TAFA1: variants seen among roughly 807,000 people sequenced by gnomAD.
TAFA1 encodes the protein TAFA chemokine like family member 1.
In TAFA1, 4 loss-of-function variants were observed where a neutral mutation model predicts 18.5. That is an observed-to-expected ratio of 0.22 (90% confidence interval 0.11 to 0.49). TAFA1 has a LOEUF of 0.49. Ranked by LOEUF, TAFA1 falls within the 20% of genes least tolerant of loss-of-function variation. TAFA1 has a pLI of 0.98. For synonymous variants in TAFA1, 56 were observed against 55.2 expected (o/e 1.01, Z -0.06); for missense variants, 147 against 169.0 (o/e 0.87, Z 0.72).
intron 2 of TAFA1, among the ~76,000 whole-genome samples, chr3:68,244,364 T>C (rs1483110789): frequency 1.3e-5 from 2 of 152,286 alleles, no homozygotes; most frequent in East Asian, 3.9e-4. Flanking sequence ...CTATTTTTTT[T>C]CTAGAGATTT....
chr3:68,439,408 C>CATATATATATAT (rs1341782542), intron 3 of TAFA1, among the ~76,000 whole-genome samples: 25 of 28,228 alleles, frequency 8.9e-4, no homozygotes, highest in Non-Finnish European at 1.4e-3. Context: ...AATATATATA[C>CATATATATATAT]ATACATATAT....
intron 2 of TAFA1, among the ~76,000 whole-genome samples, chr3:68,400,035 C>T (rs1214539603): frequency 6.6e-6 from 1 of 152,186 alleles, no homozygotes; most frequent in Non-Finnish European, 1.5e-5. Context: ...TTCCACACAG[C>T]CCAGGTCCAG....
intron 2 of TAFA1, among the ~76,000 whole-genome samples, chr3:68,130,147 C>G (rs2065519723): frequency 6.6e-6 from 1 of 152,176 alleles, no homozygotes; most frequent in Non-Finnish European, 1.5e-5. Flanking sequence ...ATGAAGAGCC[C>G]AAAGGGTATC....
chr3:68,497,857 G>A (rs1382310531), intron 3 of TAFA1, among the ~76,000 whole-genome samples: 1 of 152,164 alleles, frequency 6.6e-6, no homozygotes, highest in Non-Finnish European at 1.5e-5. Context: ...AGGTGGAAGA[G>A]GATAATAGCT....
intron 2 of TAFA1, among the ~76,000 whole-genome samples, chr3:68,377,808 G>C (rs961984806): frequency 6.6e-6 from 1 of 152,132 alleles, no homozygotes; most frequent in Non-Finnish European, 1.5e-5. Flanking sequence ...GCAGCATCAG[G>C]ATTTTGTGCC....
At chr3:68,285,328 G>A (rs2067977321) in intron 2 of TAFA1, among the ~76,000 whole-genome samples, 2 of 152,082 alleles carry the variant, frequency 1.3e-5, no homozygotes, top group East Asian at 1.9e-4. Context: ...TGTTGTAAGT[G>A]TTGTAAATAT....
chr3:68,191,819 A>G (rs968062547), intron 2 of TAFA1, among the ~76,000 whole-genome samples: 16 of 151,942 alleles, frequency 1.1e-4, no homozygotes, highest in African/African-American at 3.6e-4. Context: ...CACTGTGGGT[A>G]ATTCTGGAGG....
At chr3:68,260,407 G>A (rs1189546909) in intron 2 of TAFA1, among the ~76,000 whole-genome samples, 1 of 151,914 alleles carries the variant, frequency 6.6e-6, no homozygotes, top group African/African-American at 2.4e-5. Flanking sequence ...CTCTTTTTTG[G>A]TTGTGTCTCT....
intron 2 of TAFA1, among the ~76,000 whole-genome samples, chr3:68,385,702 T>C (rs2070084960): frequency 6.6e-6 from 1 of 152,092 alleles, no homozygotes; most frequent in African/African-American, 2.4e-5. Context: ...CTATAGCCTG[T>C]AGGCCAAACT....
chr3:68,302,558 A>T (rs1490035122), intron 2 of TAFA1, among the ~76,000 whole-genome samples: 3 of 150,428 alleles, frequency 2.0e-5, no homozygotes, highest in African/African-American at 7.3e-5. Flanking sequence ...TTTTTTTTTA[A>T]TTTTGAATCT....
At chr3:68,186,950 G>A (rs2066279191) in intron 2 of TAFA1, among the ~76,000 whole-genome samples, 1 of 151,616 alleles carries the variant, frequency 6.6e-6, no homozygotes, top group Admixed American at 6.6e-5. Flanking sequence ...GTAATTAGCA[G>A]TTTCTTGAGA....
chr3:68,466,561 C>G (rs924707559), intron 3 of TAFA1, among the ~76,000 whole-genome samples: 4 of 152,142 alleles, frequency 2.6e-5, no homozygotes, highest in African/African-American at 9.7e-5. Context: ...TATGAACATC[C>G]CTTGAAACAC....
At chr3:68,524,796 G>A (rs919347136) in intron 3 of TAFA1, among the ~76,000 whole-genome samples, 3 of 151,622 alleles carry the variant, frequency 2.0e-5, no homozygotes, top group Non-Finnish European at 2.9e-5. Flanking sequence ...TCAGCCTCCC[G>A]AGTAGCTGGG....
intron 3 of TAFA1, among the ~76,000 whole-genome samples, chr3:68,532,739 C>G (rs992555212): frequency 6.6e-6 from 1 of 151,944 alleles, no homozygotes; most frequent in Non-Finnish European, 1.5e-5. Flanking sequence ...TTTCAATAAC[C>G]TGAAGGTTTT....
chr3:68,022,351 A>G (rs1409675796), intron 2 of TAFA1, among the ~76,000 whole-genome samples: 1 of 152,194 alleles, frequency 6.6e-6, no homozygotes, highest in Non-Finnish European at 1.5e-5. Context: ...GTATTTCTAA[A>G]CTTATATCCA....
At chr3:68,084,619 G>A (rs2064948363) in intron 2 of TAFA1, among the ~76,000 whole-genome samples, 1 of 152,074 alleles carries the variant, frequency 6.6e-6, no homozygotes, top group African/African-American at 2.4e-5. Flanking sequence ...CTAACATGGT[G>A]AAACCCCATC....
At chr3:68,279,971 T>G (rs2067870212) in intron 2 of TAFA1, among the ~76,000 whole-genome samples, 1 of 152,212 alleles carries the variant, frequency 6.6e-6, no homozygotes, top group Non-Finnish European at 1.5e-5. Context: ...CATAGTGTTC[T>G]TATTTTCCCA....
intron 2 of TAFA1, among the ~76,000 whole-genome samples, chr3:68,055,565 C>T (rs147854727): frequency 6.4e-4 from 97 of 152,150 alleles, no homozygotes; most frequent in African/African-American, 2.1e-3. Flanking sequence ...CATATTAGAA[C>T]GTGGGGACAG....
At chr3:68,063,184 T>C (rs186150600) in intron 2 of TAFA1, among the ~76,000 whole-genome samples, 1 of 152,250 alleles carries the variant, frequency 6.6e-6, no homozygotes, top group Non-Finnish European at 1.5e-5. Context: ...CAAATTCACA[T>C]TAAAAAGGAA....
Sources: allele counts gnomAD v4.1 joint callset (sites outside exome capture counted in the v4.1 genomes callset), GRCh38; gene constraint gnomAD v4.1.1; transcripts MANE v1.5; gene names NCBI Gene and HGNC (gene_info 2026-07-23, HGNC 2026-07-21).